The following MPP4 variants were observed in gnomAD, a reference collection of about 807,000 sequenced individuals.
MPP4 encodes MAGUK p55 scaffold protein 4.
In MPP4, 91 loss-of-function variants were observed where a neutral mutation model predicts 98.3. That is an observed-to-expected ratio of 0.93 (90% CI 0.78 to 1.10). MPP4 has a LOEUF of 1.10. Among genes scored for constraint, MPP4 ranks in the 50% least tolerant of loss-of-function variants. The probability of loss-of-function intolerance (pLI) is 0.00; values close to 1 mark genes in which losing one functional copy is unlikely to be tolerated. For synonymous variants in MPP4, 261 were observed against 271.8 expected, an observed-to-expected ratio of 0.96 and a Z score of 0.39; for missense variants, 744 against 792.9, an observed-to-expected ratio of 0.94 and a Z score of 0.74.
At chr2:201,650,767 A>G in intron 18 of MPP4, 1 of 985,374 alleles carries the variant, frequency 1.0e-6, no homozygotes, top group Non-Finnish European at 1.2e-6. Context: ...TGCAATCTTG[A>G]CCAGATGCAT....
chr2:201,684,947 CAAAAAAAA>C, intron 7 of MPP4, 109 bp downstream of exon 7: 2 of 512,754 alleles, frequency 3.9e-6, no homozygotes, highest in South Asian at 5.5e-5. Flanking sequence ...GACTCCATCT[CAAAAAAAA>C]AAAAAGAAAA....
chr2:201,672,564 G>A (rs997400972), intron 11 of MPP4, among the ~76,000 whole-genome samples: 1 of 151,994 alleles, frequency 6.6e-6, no homozygotes, highest in Non-Finnish European at 1.5e-5. Context: ...TGATAAAGGG[G>A]ACAACATCAC....
chr2:201,647,061 A>G (rs1687577699), intron 21 of MPP4, among the ~76,000 whole-genome samples: 4 of 152,188 alleles, frequency 2.6e-5, no homozygotes. Context: ...TGTACACCTT[A>G]CTGAATGTAT....
At chr2:201,647,518 A>T (rs1419036742) in intron 21 of MPP4, among the ~76,000 whole-genome samples, 173 bp downstream of exon 21, 2 of 150,694 alleles carry the variant, frequency 1.3e-5, no homozygotes, top group Non-Finnish European at 3.0e-5. Flanking sequence ...TACAGTTTTA[A>T]TTTTTTTTTT....
intron 9 of MPP4, 119 bp from the exon 10 acceptor site, chr2:201,681,153 C>CT: frequency 2.0e-6 from 2 of 1,014,414 alleles, no homozygotes; most frequent in Non-Finnish European, 2.9e-6. Flanking sequence ...CCTGCTACTC[C>CT]TATCTTTCCT....
At chr2:201,693,050 A>T in intron 2 of MPP4, 21 bp from the exon 3 acceptor site, 1 of 1,604,276 alleles carries the variant, frequency 6.2e-7, no homozygotes, top group African/African-American at 1.3e-5. Context: ...AAGAGAGCAG[A>T]GATGGGGTGG....
intron 1 of MPP4, among the ~76,000 whole-genome samples, chr2:201,695,729 G>C (rs1422053151): frequency 1.3e-5 from 2 of 152,122 alleles, no homozygotes; most frequent in Non-Finnish European, 2.9e-5. Context: ...AACAGGTTAA[G>C]AGCTCTTCCC....
chr2:201,657,610 T>TTTTTTTTG (rs1687892649), intron 16 of MPP4, among the ~76,000 whole-genome samples: 3 of 137,606 alleles, frequency 2.2e-5, no homozygotes, highest in Non-Finnish European at 4.7e-5. Context: ...TGTTTTTTTG[T>TTTTTTTTG]TTTTTTTTGC....
chr2:201,684,073 G>A (rs1474031785), intron 7 of MPP4, among the ~76,000 whole-genome samples: 1 of 151,750 alleles, frequency 6.6e-6, no homozygotes, highest in African/African-American at 2.4e-5. Context: ...TAGAAAAATT[G>A]GCTGGGCATG....
At position 201,685,106 on chromosome 2, in the gene MPP4, A is replaced by G. The variant is rs902276687; in HGVS notation, c.532T>C (p.Leu178=). The G allele has an allele frequency of 4.3e-6, 7 of 1,612,454 alleles. No individual in the cohort carries two copies. The highest frequency in any genetic ancestry group is 5.9e-6 in the Non-Finnish European group (7 of 1,179,432). ...IKRHEMTGDI[L]VARIIHGGLA... is the part of the protein sequence containing the mutation. ...CCACCGTGGATGATCCTGGCCACCA[A>G]GATGTCCCCTGTCATCTCGTGGCGC... is the stretch of plus-strand genomic sequence containing the variant. The change falls in exon 7 of 22, where the codon TTG becomes CTG. Residue 178 remains leucine (L), a synonymous_variant. Coordinates refer to ENST00000409474, the MANE Select transcript of MPP4 (RefSeq NM_033066.3).
chr2:201,653,240 G>A (rs1285120953), intron 18 of MPP4, among the ~76,000 whole-genome samples: 1 of 152,152 alleles, frequency 6.6e-6, no homozygotes. Flanking sequence ...CTTCCTGTAA[G>A]CTCTTCTCCT....
At chr2:201,661,135 G>T (rs973207465) in intron 14 of MPP4, among the ~76,000 whole-genome samples, 1 of 151,418 alleles carries the variant, frequency 6.6e-6, no homozygotes, top group Non-Finnish European at 1.5e-5. Context: ...TGGCCAGGCT[G>T]GTCTCGAACT....
chr2:201,651,799 C>G (rs1258762610), intron 18 of MPP4: 1 of 370,422 alleles, frequency 2.7e-6, no homozygotes, highest in African/African-American at 2.2e-5. Flanking sequence ...ACTAAAAATA[C>G]AAAAATTAGC....
intron 8 of MPP4, 147 bp from the exon 9 acceptor site, chr2:201,681,714 T>C: frequency 7.7e-6 from 5 of 646,482 alleles, no homozygotes; most frequent in Non-Finnish European, 1.4e-5. Flanking sequence ...GCTGTCACCA[T>C]CCAGAAATGG....
At position 201,680,820 on chromosome 2, in the gene MPP4, A is replaced by G; in HGVS notation, c.929+18T>C. ...CTGATGGTTCAGCCCTGAGTCCAGG[A>G]GTGGTGACGTTCCTTACCTCTTCAG... On this transcript the variant is annotated intron_variant, in intron 10 of 21. Coordinates refer to ENST00000409474, the MANE Select transcript of MPP4 (RefSeq NM_033066.3). The G allele has an allele frequency of 6.3e-7, 1 of 1,599,132 alleles. No individual in the cohort carries two copies. The highest frequency in any genetic ancestry group is 8.6e-7 in the Non-Finnish European group (1 of 1,169,340).
At chr2:201,655,477 C>A (rs913936230) in intron 17 of MPP4, among the ~76,000 whole-genome samples, 2 of 152,164 alleles carry the variant, frequency 1.3e-5, no homozygotes, top group Non-Finnish European at 2.9e-5. Flanking sequence ...ATCTTGAAAT[C>A]TTTGATAATT....
At chr2:201,664,297 G>A (rs1263575424) in intron 13 of MPP4, 196 bp from the exon 14 acceptor site, 10 of 1,462,374 alleles carry the variant, frequency 6.8e-6, no homozygotes, top group South Asian at 2.4e-5. Context: ...CATGGTATTC[G>A]GCAGTTGAGC....
At position 201,692,795 on chromosome 2, in the gene MPP4, G is replaced by A. The variant is rs183978351; in HGVS notation, c.201+113C>T. 6.8e-5 allele frequency: 98 copies of A among 1,433,082 alleles called. No individual in the cohort carries two copies. The African/African-American group carries it at 9.5e-4, about 14-fold the overall frequency. The allele number at this position is 1,433,082 out of a possible 1,614,324, so 88.8% of individuals were successfully genotyped here. ...ACAGAACTGTGAGATATCAATTTCT[G>A]TTGTTTATAAACTATTCCACTATCC... On this transcript the variant is annotated intron_variant, in intron 3 of 21. Transcript: ENST00000409474.
At chr2:201,648,588 A>C (rs1242589843) in intron 20 of MPP4, among the ~76,000 whole-genome samples, 1 of 152,228 alleles carries the variant, frequency 6.6e-6, no homozygotes, top group African/African-American at 2.4e-5. Flanking sequence ...AATCTCATTT[A>C]CTGAGAGTAG....
Sources: allele counts gnomAD v4.1 joint callset (sites outside exome capture counted in the v4.1 genomes callset), GRCh38; gene constraint gnomAD v4.1.1; transcripts MANE v1.5; gene names NCBI Gene and HGNC (gene_info 2026-07-23, HGNC 2026-07-21).